HBS1L: variants seen among roughly 807,000 people sequenced by gnomAD.
HBS1L encodes the protein HBS1-like protein.
HBS1L carries 55 observed loss-of-function variants against 88.9 expected under a neutral mutation model. That is an observed-to-expected ratio of 0.62 (90% CI 0.50 to 0.77). The LOEUF (loss-of-function observed/expected upper bound fraction) is 0.77, where lower values mean the gene tolerates loss of function less well. Among genes scored for constraint, HBS1L ranks in the 30% least tolerant of loss-of-function variants. HBS1L has a pLI of 0.00. For missense variants in HBS1L, 741 were observed against 829.3 expected, an observed-to-expected ratio of 0.89 and a Z score of 1.31; for synonymous variants, 267 against 288.5, an observed-to-expected ratio of 0.93 and a Z score of 0.76.
At chr6:134,967,969 T>A (rs756567592) in intron 16 of HBS1L, among the ~76,000 whole-genome samples, 1 of 152,184 alleles carries the variant, frequency 6.6e-6, no homozygotes, top group Non-Finnish European at 1.5e-5. Flanking sequence ...AATATAAAGA[T>A]CTACCTTTAG....
At chr6:134,977,479 T>C (rs989946130) in intron 15 of HBS1L, among the ~76,000 whole-genome samples, 3 of 152,048 alleles carry the variant, frequency 2.0e-5, no homozygotes, top group African/African-American at 7.2e-5. Context: ...TCTTCAACTA[T>C]AGCAATTTTT....
Position 134,965,208 on chromosome 6 carries a change from A to C in HBS1L, c.*71T>G. 1 of 1,217,568 alleles carries C rather than the reference A, an allele frequency of 8.2e-7. No individual in the cohort carries two copies. The highest frequency in any genetic ancestry group is 2.3e-5 in the East Asian group (1 of 42,882). 75.4% of individuals were successfully genotyped at this position (1,217,568 alleles called of 1,614,324 possible). A position where few individuals can be genotyped will look rare whatever the true frequency, so the allele number is the denominator to read the frequency against. ...CAATTGCACATTGTTCCTTTGACTT[A>C]ATAACTGCATTCTTGAAACAGAGGT... is the stretch of plus-strand genomic sequence containing the variant. On this transcript the variant is annotated 3_prime_UTR_variant, in exon 18 of 18. Transcript: ENST00000367837.
chr6:134,975,014 A>C (rs776209387), intron 15 of HBS1L, among the ~76,000 whole-genome samples: 8 of 152,182 alleles, frequency 5.3e-5, no homozygotes, highest in Non-Finnish European at 1.0e-4. Context: ...AAAAAATCCT[A>C]AAGATTCCTC....
At chr6:134,975,408 C>A (rs1351966727) in intron 15 of HBS1L, among the ~76,000 whole-genome samples, 1 of 152,052 alleles carries the variant, frequency 6.6e-6, no homozygotes, top group African/African-American at 2.4e-5. Context: ...AAAAAACAAT[C>A]CTAAAATTCA....
chr6:135,015,852 G>A (rs1269311708), intron 4 of HBS1L, among the ~76,000 whole-genome samples: 10 of 150,024 alleles, frequency 6.7e-5, no homozygotes, highest in Non-Finnish European at 1.3e-4. Context: ...CAAAGTGCTG[G>A]GATTATAGGC....
At chr6:134,971,356 G>A (rs150038672) in intron 15 of HBS1L, among the ~76,000 whole-genome samples, 11 of 152,214 alleles carry the variant, frequency 7.2e-5, no homozygotes, top group East Asian at 1.9e-4. Context: ...GAAACATTTC[G>A]TTTGTAACAA....
chr6:135,054,740 C>T lies in HBS1L; in HGVS notation c.-49G>A. 1 of 1,610,340 alleles carries T rather than the reference C, an allele frequency of 6.2e-7. No individual in the cohort carries two copies. The highest frequency in any genetic ancestry group is 8.5e-7 in the Non-Finnish European group (1 of 1,177,306). On this transcript the variant is annotated 5_prime_UTR_variant, in exon 1 of 18. In the 5' UTR this introduces an upstream ATG that the reference lacks. Coordinates refer to ENST00000367837, the MANE Select transcript of HBS1L (RefSeq NM_006620.4). ...CAGCCCCTTAACTCCTTCCAAAACA[C>T]TCCGCTTAGATACTGATAAGGCGCC... is the stretch of plus-strand genomic sequence containing the variant.
intron 15 of HBS1L, among the ~76,000 whole-genome samples, chr6:134,975,371 T>C (rs1774613592): frequency 6.6e-6 from 1 of 152,104 alleles, no homozygotes; most frequent in South Asian, 2.1e-4. Flanking sequence ...CCTGTCAAAA[T>C]ACTAACATCA....
At chr6:135,000,995 A>T (rs1047392109) in intron 5 of HBS1L, among the ~76,000 whole-genome samples, 1 of 152,206 alleles carries the variant, frequency 6.6e-6, no homozygotes, top group Non-Finnish European at 1.5e-5. Context: ...GGCCTTGAGC[A>T]CTATTAAGCA....
intron 5 of HBS1L, 112 bp from the exon 6 acceptor site, chr6:134,997,768 A>T: frequency 1.0e-5 from 10 of 1,002,332 alleles, no homozygotes; most frequent in Non-Finnish European, 1.4e-5. Context: ...CCAGACCAGA[A>T]ATAATCTCTG....
intron 1 of HBS1L, among the ~76,000 whole-genome samples, chr6:135,054,183 G>A (rs1172127232): frequency 6.6e-6 from 1 of 152,188 alleles, no homozygotes; most frequent in African/African-American, 2.4e-5. Context: ...TACACAAAAG[G>A]TTTACCATGT....
chr6:135,054,084 T>A (rs1020033232), intron 1 of HBS1L, among the ~76,000 whole-genome samples: 6 of 152,282 alleles, frequency 3.9e-5, no homozygotes, highest in Non-Finnish European at 8.8e-5. Context: ...TTAACATGTG[T>A]CTTTTCTACC....
chr6:134,982,630 T>C, intron 12 of HBS1L, 68 bp from the exon 13 acceptor site: 1 of 801,580 alleles, frequency 1.2e-6, no homozygotes, highest in Non-Finnish European at 2.1e-6. Context: ...CCGTTAACTA[T>C]ACTTAGTTCT....
chr6:134,996,705 C>A, intron 7 of HBS1L, 72 bp downstream of exon 7: 1 of 1,050,784 alleles, frequency 9.5e-7, no homozygotes, highest in South Asian at 2.1e-5. Context: ...TTTACAAATT[C>A]AACACATATT....
intron 4 of HBS1L, chr6:135,037,421 C>A: frequency 1.3e-6 from 2 of 1,549,922 alleles, no homozygotes; most frequent in Non-Finnish European, 1.7e-6. Flanking sequence ...ACATTTCCAA[C>A]TTCAGTTTCT....
At chr6:135,009,584 T>C (rs1464586943) in intron 4 of HBS1L, among the ~76,000 whole-genome samples, 3 of 152,174 alleles carry the variant, frequency 2.0e-5, no homozygotes, top group African/African-American at 4.8e-5. Flanking sequence ...ATTATGTTCA[T>C]GGACTCCCTT....
At chr6:134,973,633 T>C (rs1017035352) in intron 15 of HBS1L, among the ~76,000 whole-genome samples, 1 of 152,096 alleles carries the variant, frequency 6.6e-6, no homozygotes, top group African/African-American at 2.4e-5. Flanking sequence ...CTGGCCAACA[T>C]GGTGAAACCC....
intron 4 of HBS1L, among the ~76,000 whole-genome samples, chr6:135,033,980 C>T (rs4896130): frequency 0.59 from 89,726 of 151,956 alleles, 27,743 homozygotes; most frequent in African/African-American, 0.79. Context: ...GGTTCAAGAC[C>T]AGAAAAACAA....
intron 15 of HBS1L, among the ~76,000 whole-genome samples, chr6:134,976,736 C>T (rs1054405640): frequency 9.9e-5 from 15 of 151,930 alleles, no homozygotes; most frequent in Non-Finnish European, 1.5e-5. Context: ...GTATAGGGGA[C>T]ACTGGAGACT....
Sources: gnomAD v4.1 joint callset for allele counts (sites outside exome capture counted in the v4.1 genomes callset) on GRCh38, gnomAD v4.1.1 for gene constraint, MANE v1.5 for transcripts, NCBI Gene and HGNC (gene_info 2026-07-23, HGNC 2026-07-21) for gene names.